Variants in DAGLA observed in about 807,000 individuals in gnomAD.
The protein encoded by DAGLA is diacylglycerol lipase alpha, also known as diacylglycerol lipase-alpha.
Under a neutral mutation model 102.6 loss-of-function variants are expected in DAGLA, and 22 were observed. The ratio of observed to expected loss-of-function variants is 0.21; its 90% CI spans 0.15 to 0.31. The LOEUF (loss-of-function observed/expected upper bound fraction) is 0.31. DAGLA is among the 10% of genes least tolerant of loss of function. The pLI is 1.00. For synonymous variants in DAGLA, 578 were observed against 628.9 expected, an observed-to-expected ratio of 0.92 and a Z score of 1.21; for missense variants, 927 against 1,446.6, an observed-to-expected ratio of 0.64 and a Z score of 5.83.
In DAGLA at chr11:61,734,737, A is replaced by G. The variant is rs1260165565; in HGVS notation, c.975-112A>G. ...TAGGACTTAGCAAGGGCAATTTGGT[A>G]GAGGCAGTGGGGCTGAATGCCCAAC... On this transcript the variant is annotated intron_variant, in intron 9 of 19. Coordinates refer to ENST00000257215, the MANE Select transcript of DAGLA (RefSeq NM_006133.3). This position sits in a 1 kb window ranked among gnomAD's most constrained non-coding sequence, Gnocchi z 4.2. 11 of 1,031,616 alleles carry G rather than the reference A, an allele frequency of 1.1e-5. No individual in the cohort carries two copies. Among genetic ancestry groups the G allele is most frequent in the Non-Finnish European group, 1.6e-5 (11 of 692,436 alleles). The allele number at this position is 1,031,616 out of a possible 1,614,324, so 63.9% of individuals were successfully genotyped here. A position where few individuals can be genotyped will look rare whatever the true frequency, so the allele number is the denominator to read the frequency against.
At chr11:61,725,937 C>T in intron 5 of DAGLA, 58 bp from the exon 6 acceptor site, 1 of 1,499,142 alleles carries the variant, frequency 6.7e-7, no homozygotes, top group East Asian at 2.3e-5. Flanking sequence ...ACGTCTGGGT[C>T]CCAGCTCTTC....
Position 61,743,870 on chromosome 11 carries a change from G to T in DAGLA, c.2510G>T (p.Arg837Leu). 6.2e-7 allele frequency: 1 copy of T among 1,612,440 alleles called. No individual in the cohort carries two copies. The highest frequency in any genetic ancestry group is 1.1e-5 in the South Asian group (1 of 91,082). The part of the protein sequence containing the change: ...IPEENPSLSS[R>L]TELLAADSLS... ...GAGGAAAACCCATCCCTGAGCTCGCGCACTGAGCTGCTGGCGGCCGACAGC... is the reference window on the plus strand; with the variant it reads ...GAGGAAAACCCATCCCTGAGCTCGCTCACTGAGCTGCTGGCGGCCGACAGC... Residue 837 changes from arginine (R) to leucine (L), a missense_variant, in exon 20 of 20, where the codon CGC becomes CTC. Arg to Leu is a moderately radical substitution (Grantham distance 102). Around this residue, in one of 4 missense-constraint regions of DAGLA, gnomAD observed 434 missense variants for 503.3 expected, o/e 0.86. Transcript: ENST00000257215.
rs140708716 is a variant in DAGLA, at chr11:61,741,940, C to T, written c.2171+591C>T. On this transcript the variant is annotated intron_variant, in intron 19 of 19. Transcript: ENST00000257215. ...ACAGATTCACTCTTACACACTTAGA[C>T]GCAAACAGATGGACACCCATTTACT... Among the ~76,000 whole-genome samples the T allele has an allele frequency of 4.2e-3, 639 of 152,212 alleles. 7 individuals are homozygous for T. The highest frequency in any genetic ancestry group is 0.015 in the African/African-American group (604 of 41,534).
intron 1 of DAGLA, 95 bp from the exon 2 acceptor site, chr11:61,720,017 C>A: frequency 3.7e-6 from 3 of 811,230 alleles, no homozygotes; most frequent in African/African-American, 1.7e-5. Flanking sequence ...GTGCTTCTGG[C>A]CACACCGGGG....
intron 1 of DAGLA, among the ~76,000 whole-genome samples, chr11:61,699,303 G>A (rs2135558637): frequency 6.6e-6 from 1 of 152,298 alleles, no homozygotes; most frequent in South Asian, 2.1e-4. Context: ...GCTAAGGCCA[G>A]GGGGTCACAG....
chr11:61,741,298 C>T lies in DAGLA; in HGVS notation c.2120C>T (p.Thr707Ile), dbSNP rs1170052950. ...CTCCCCACGGGGCCGCCCATGCCCA[C>T]TGGCCTTGCCCTGGAGCTGCCGACT... Reference protein sequence around the residue: ...QPLPTGPPMPTGLALELPTAD... With the variant: ...QPLPTGPPMPIGLALELPTAD... Residue 707 changes from threonine to isoleucine, a missense_variant, in exon 19 of 20, where the codon ACT becomes ATT. Physicochemically the swap from Thr to Ile is moderately conservative, Grantham distance 89. Coordinates refer to ENST00000257215, the MANE Select transcript of DAGLA (RefSeq NM_006133.3). 1 of 1,612,360 alleles carries T rather than the reference C, an allele frequency of 6.2e-7. No homozygotes were observed. Among genetic ancestry groups the T allele is most frequent in the Non-Finnish European group, 8.5e-7 (1 of 1,180,002 alleles).
chr11:61,695,872 C>G (rs368971084), intron 1 of DAGLA, among the ~76,000 whole-genome samples: 4 of 152,160 alleles, frequency 2.6e-5, no homozygotes, highest in African/African-American at 7.2e-5. Context: ...TGCATCCCTG[C>G]GTGCCCCGGT....
intron 1 of DAGLA, among the ~76,000 whole-genome samples, chr11:61,718,625 C>T (rs1462461637): frequency 6.6e-6 from 1 of 151,934 alleles, no homozygotes; most frequent in African/African-American, 2.4e-5. Flanking sequence ...GCCACCCCAC[C>T]ACCATGCTCC....
In DAGLA at chr11:61,736,365, A is replaced by G; in HGVS notation, c.1371+15A>G. 1 of 1,611,134 alleles carries G rather than the reference A, an allele frequency of 6.2e-7. No homozygotes were observed. The highest frequency in any genetic ancestry group is 8.5e-7 in the Non-Finnish European group (1 of 1,177,286). On this transcript the variant is annotated intron_variant, in intron 13 of 19. Coordinates refer to ENST00000257215, the MANE Select transcript of DAGLA (RefSeq NM_006133.3). ...GGCGAGACCTGGTGAGGAATTTTCC[A>G]TGGCACCAAGCCTTTTCACACCTGG...
At chr11:61,722,787 G>T in intron 3 of DAGLA, 72 bp from the exon 4 acceptor site, 1 of 1,336,964 alleles carries the variant, frequency 7.5e-7, no homozygotes. Flanking sequence ...GGAAAGGCCA[G>T]GCCGGGGTTC....
At chr11:61,707,731 C>T (rs1020537522) in intron 1 of DAGLA, among the ~76,000 whole-genome samples, 1 of 152,190 alleles carries the variant, frequency 6.6e-6, no homozygotes, top group Non-Finnish European at 1.5e-5. Flanking sequence ...GCGGGGCCAT[C>T]TGGAGAGGAG....
At chr11:61,739,939 G>T (rs766634005) in intron 17 of DAGLA, among the ~76,000 whole-genome samples, 1 of 152,176 alleles carries the variant, frequency 6.6e-6, no homozygotes, top group Non-Finnish European at 1.5e-5. Context: ...TCTCCCCACT[G>T]GTGGTCCATT....
rs1162512855 is a variant in DAGLA, at chr11:61,745,769, C to T, written c.*1280C>T. On this transcript the variant is annotated 3_prime_UTR_variant, in exon 20 of 20. Transcript: ENST00000257215. ...GCGTATGCATGTGCATGAGTGTGCACCGTTCCTAAGGAAGGGGCCTCTGGG... is the reference window on the plus strand; with the variant it reads ...GCGTATGCATGTGCATGAGTGTGCATCGTTCCTAAGGAAGGGGCCTCTGGG... The T allele has an allele frequency of 2.6e-5, 4 of 152,478 alleles. No individual in the cohort carries two copies. Among genetic ancestry groups the T allele is most frequent in the African/African-American group, 9.7e-5 (4 of 41,420 alleles). The allele number at this position is 152,478 out of a possible 1,614,324, so 9.4% of individuals were successfully genotyped here.
chr11:61,725,565 A>G (rs1395206363), intron 5 of DAGLA, among the ~76,000 whole-genome samples: 1 of 152,206 alleles, frequency 6.6e-6, no homozygotes, highest in Non-Finnish European at 1.5e-5. Context: ...CCTTAGAATG[A>G]GACGACAGGG....
Position 61,744,377 on chromosome 11 carries a change from C to T in DAGLA, c.3017C>T (p.Thr1006Met), listed in dbSNP as rs765568409. The T allele has an allele frequency of 1.1e-5, 18 of 1,611,780 alleles. No individual in the cohort carries two copies. The South Asian group carries it at 1.2e-4, about 11-fold the overall frequency. ...SSGELMDLTPTGLSSQECLAA... is the reference protein window; with the variant it reads ...SSGELMDLTPMGLSSQECLAA... The stretch of plus-strand genomic sequence containing the variant: ...GGTGAGCTCATGGACCTGACGCCCA[C>T]GGGCCTCAGTAGCCAGGAATGCCTG... Residue 1006 changes from threonine (T) to methionine (M), a missense_variant, in exon 20 of 20, where the codon ACG becomes ATG. Physicochemically the swap from Thr to Met is moderately conservative, Grantham distance 81. This residue lies in a region of DAGLA where 434 missense variants were observed against 503.3 expected (regional missense o/e 0.86). Coordinates refer to ENST00000257215, the MANE Select transcript of DAGLA (RefSeq NM_006133.3).
At chr11:61,699,040 G>A (rs778949534) in intron 1 of DAGLA, among the ~76,000 whole-genome samples, 19 of 152,236 alleles carry the variant, frequency 1.2e-4, no homozygotes, top group Non-Finnish European at 2.4e-4. Context: ...AGAGAAAGCA[G>A]GACATGCTAT....
chr11:61,734,986 C>A lies in DAGLA; in HGVS notation c.1112C>A (p.Thr371Asn), dbSNP rs1236272003. The A allele has an allele frequency of 1.2e-6, 2 of 1,613,636 alleles. No homozygotes were observed. Among genetic ancestry groups the A allele is most frequent in the Admixed American group, 3.3e-5 (2 of 60,006 alleles). Residue 371 changes from threonine to asparagine, a missense_variant, in exon 10 of 20, where the codon ACC (threonine) becomes AAC (asparagine). By Grantham distance (65) the Thr-to-Asn change is moderately conservative. Coordinates refer to ENST00000257215, the MANE Select transcript of DAGLA (RefSeq NM_006133.3). The surrounding 1 kb of genome is among the most constrained non-coding windows in gnomAD (Gnocchi z 4.2). ...ENMTAVDIVYTSCHDAVYETP... is the reference protein window; with the variant it reads ...ENMTAVDIVYNSCHDAVYETP... Reference sequence around the variant, plus strand: ...ATGACTGCGGTGGACATCGTCTATACCTCCTGCCATGATGCGGTGAGGCCG... The same window carrying A: ...ATGACTGCGGTGGACATCGTCTATAACTCCTGCCATGATGCGGTGAGGCCG...
Position 61,736,338 on chromosome 11 carries a change from T to C in DAGLA, c.1359T>C (p.Phe453=), listed in dbSNP as rs1275758978. 2.5e-6 allele frequency: 4 copies of C among 1,613,944 alleles called. No individual in the cohort carries two copies. The highest frequency in any genetic ancestry group is 2.7e-5 in the African/African-American group (2 of 74,924). ...LEQEMVLSQA[F]GRDLGRGTKH... ...AGGAGATGGTCCTGTCCCAGGCCTT[T>C]GGGCGAGACCTGGTGAGGAATTTTC... Residue 453 remains phenylalanine, a synonymous_variant, in exon 13 of 20, where the codon TTT becomes TTC. Coordinates refer to ENST00000257215, the MANE Select transcript of DAGLA (RefSeq NM_006133.3).
rs530281263 is a variant in DAGLA at position 61,708,707 on chromosome 11, C to T, written c.-44-11405C>T. ...CTCACACTTTACAACTTTTAACTCG[C>T]TTTGTCCTCCCAGCCACCCCAAGAG... On this transcript the variant is annotated intron_variant, in intron 1 of 19. Transcript: ENST00000257215. 1.5e-4 allele frequency among the ~76,000 whole-genome samples: 23 copies of T among 152,324 alleles called. 1 individual carries two copies. The East Asian group carries it at 4.4e-3, about 29-fold the overall frequency.
Sources: gnomAD v4.1 joint callset for allele counts (sites outside exome capture counted in the v4.1 genomes callset) on GRCh38, gnomAD v4.1.1 for gene constraint, gnomAD v4.1.1 regional missense constraint, Gnocchi (gnomAD v3.1) non-coding constraint, MANE v1.5 for transcripts, NCBI Gene and HGNC (gene_info 2026-07-23, HGNC 2026-07-21) for gene names.